CRPPA: variants seen among roughly 807,000 people sequenced by gnomAD.
CRPPA encodes CDP-L-ribitol pyrophosphorylase A, also known as D-ribitol-5-phosphate cytidylyltransferase.
A neutral mutation model predicts 52.0 loss-of-function variants in CRPPA; 43 were observed. The ratio of observed to expected loss-of-function variants is 0.83; its 90% CI spans 0.65 to 1.07. The LOEUF (loss-of-function observed/expected upper bound fraction) is 1.07, where lower values mean the gene tolerates loss of function less well. Among genes scored for constraint, CRPPA ranks in the 50% least tolerant of loss-of-function variants. The pLI is 0.00. For missense variants in CRPPA, 629 were observed against 551.7 expected (o/e 1.14, Z -1.40); for synonymous variants, 250 against 203.5 (o/e 1.23, Z -1.94).
At chr7:16,125,410 C>T (rs1782558698) in intron 9 of CRPPA, among the ~76,000 whole-genome samples, 1 of 151,934 alleles carries the variant, frequency 6.6e-6, no homozygotes, top group South Asian at 2.1e-4. Context: ...ACTATGGGGC[C>T]ATTTATATAG....
intron 8 of CRPPA, among the ~76,000 whole-genome samples, chr7:16,250,926 C>G (rs1488307571): frequency 6.6e-6 from 1 of 152,044 alleles, no homozygotes; most frequent in Non-Finnish European, 1.5e-5. Context: ...AAGACACAGA[C>G]TGGCAAATTG....
At chr7:16,187,243 G>A (rs915650029) in intron 9 of CRPPA, among the ~76,000 whole-genome samples, 1 of 152,018 alleles carries the variant, frequency 6.6e-6, no homozygotes, top group South Asian at 2.1e-4. Flanking sequence ...CATTGTTCCT[G>A]TCTGTTCCAC....
chr7:16,183,147 G>C (rs1781443987), intron 9 of CRPPA, among the ~76,000 whole-genome samples: 1 of 152,010 alleles, frequency 6.6e-6, no homozygotes, highest in Non-Finnish European at 1.5e-5. Flanking sequence ...GTCAATAAGT[G>C]GTAGAGAAAA....
chr7:16,347,668 T>C (rs1786049318), intron 3 of CRPPA, among the ~76,000 whole-genome samples: 1 of 151,990 alleles, frequency 6.6e-6, no homozygotes, highest in South Asian at 2.1e-4. Context: ...ATTAGTCAAG[T>C]CTCCTACCCA....
chr7:16,399,197 C>T (rs1787716970), intron 2 of CRPPA, among the ~76,000 whole-genome samples: 1 of 152,248 alleles, frequency 6.6e-6, no homozygotes, highest in Admixed American at 6.5e-5. Flanking sequence ...ACACGACTGA[C>T]ATGACCAACA....
At chr7:16,181,942 A>C (rs1431475612) in intron 9 of CRPPA, among the ~76,000 whole-genome samples, 1 of 151,988 alleles carries the variant, frequency 6.6e-6, no homozygotes, top group Admixed American at 6.6e-5. Flanking sequence ...ATATATATAC[A>C]TATAAACAAT....
chr7:16,089,580 T>C lies in CRPPA; in HGVS notation c.*2115A>G, dbSNP rs996788239. 2 of 233,480 alleles carry C rather than the reference T, an allele frequency of 8.6e-6. No homozygotes were observed. Among genetic ancestry groups the C allele is most frequent in the African/African-American group, 4.4e-5 (2 of 45,802 alleles). 14.5% of individuals were successfully genotyped at this position (233,480 alleles called of 1,614,324 possible). On this transcript the variant is annotated 3_prime_UTR_variant, in exon 10 of 10. Coordinates refer to ENST00000407010, the MANE Select transcript of CRPPA (RefSeq NM_001101426.4). ...GTAAGTATATACATATATATGGGTA[T>C]ACATGCATGTATATACATATATATG...
intron 9 of CRPPA, among the ~76,000 whole-genome samples, chr7:16,207,529 G>A (rs950636039): frequency 2.0e-5 from 3 of 152,140 alleles, no homozygotes; most frequent in Admixed American, 6.6e-5. Flanking sequence ...GTTGCATAAA[G>A]TGAAAACAAA....
chr7:16,127,873 A>C (rs12537888), intron 9 of CRPPA, among the ~76,000 whole-genome samples: 75,826 of 152,022 alleles, frequency 0.5, 19,334 homozygotes, highest in East Asian at 0.76. Flanking sequence ...TATTCTTACA[A>C]TGAATTTTTG....
At chr7:16,343,839 T>C (rs2128306555) in intron 3 of CRPPA, among the ~76,000 whole-genome samples, 1 of 152,320 alleles carries the variant, frequency 6.6e-6, no homozygotes, top group East Asian at 1.9e-4. Context: ...TCTGCACATG[T>C]ACAAAGTGAG....
chr7:16,155,904 G>A (rs190923337), intron 9 of CRPPA, among the ~76,000 whole-genome samples: 3 of 151,530 alleles, frequency 2.0e-5, no homozygotes, highest in African/African-American at 4.9e-5. Flanking sequence ...AACAAACAAG[G>A]GTTCCTTAAT....
At chr7:16,323,306 C>A (rs934884395) in intron 3 of CRPPA, among the ~76,000 whole-genome samples, 1 of 152,096 alleles carries the variant, frequency 6.6e-6, no homozygotes. Context: ...ATAACCTTTG[C>A]CAGGTAACTT....
intron 6 of CRPPA, among the ~76,000 whole-genome samples, chr7:16,274,548 C>T (rs1368246678): frequency 6.6e-6 from 1 of 151,902 alleles, no homozygotes; most frequent in Admixed American, 6.5e-5. Flanking sequence ...ACATTAGCTC[C>T]TCATTAAAAA....
At chr7:16,258,892 G>A in intron 7 of CRPPA, 28 bp downstream of exon 7, 2 of 1,426,148 alleles carry the variant, frequency 1.4e-6, no homozygotes, top group South Asian at 1.2e-5. Context: ...ATATCCTTAA[G>A]TGCCTTCAAT....
intron 9 of CRPPA, among the ~76,000 whole-genome samples, chr7:16,180,798 G>A (rs991404823): frequency 2.0e-5 from 3 of 151,972 alleles, no homozygotes; most frequent in Non-Finnish European, 2.9e-5. Flanking sequence ...TTATGTCTAC[G>A]TATGTTATCT....
At chr7:16,176,373 C>T (rs1436404304) in intron 9 of CRPPA, among the ~76,000 whole-genome samples, 5 of 152,006 alleles carry the variant, frequency 3.3e-5, no homozygotes, top group Admixed American at 2.6e-4. Context: ...CCAACCAAAG[C>T]GATTCACCAA....
At chr7:16,386,476 G>C (rs889802415) in intron 2 of CRPPA, among the ~76,000 whole-genome samples, 1 of 152,126 alleles carries the variant, frequency 6.6e-6, no homozygotes, top group Non-Finnish European at 1.5e-5. Flanking sequence ...CTTTGCCAGT[G>C]AACTGTCTTC....
At chr7:16,300,517 G>A (rs146573193) in intron 5 of CRPPA, among the ~76,000 whole-genome samples, 2 of 152,258 alleles carry the variant, frequency 1.3e-5, no homozygotes, top group South Asian at 4.1e-4. Context: ...TTTTAAAATA[G>A]TGGTTCTCTA....
chr7:16,091,719 G>A lies in CRPPA; in HGVS notation c.1332C>T (p.Leu444=). 1 of 1,557,590 alleles carries A rather than the reference G, an allele frequency of 6.4e-7. No individual in the cohort carries two copies. ...ASLIKERNSG[L]IGQLLIA Reference sequence around the variant, plus strand: ...TTCATGCTATCAGAAGCTGACCAATGAGTCCAGAATTTCTTTCCTTGATTA... The same window carrying A: ...TTCATGCTATCAGAAGCTGACCAATAAGTCCAGAATTTCTTTCCTTGATTA... Residue 444 remains leucine, a synonymous_variant, in exon 10 of 10, where the codon CTC becomes CTT. Coordinates refer to ENST00000407010, the MANE Select transcript of CRPPA (RefSeq NM_001101426.4).
Sources: allele counts gnomAD v4.1 joint callset (sites outside exome capture counted in the v4.1 genomes callset), GRCh38; gene constraint gnomAD v4.1.1; transcripts MANE v1.5; gene names NCBI Gene and HGNC (gene_info 2026-07-23, HGNC 2026-07-21).